IMPG1: variants seen among roughly 807,000 people sequenced by gnomAD.
IMPG1 encodes the protein interphotoreceptor matrix proteoglycan 1.
In IMPG1, 85 loss-of-function variants were observed where a neutral mutation model predicts 92.0. The ratio of observed to expected loss-of-function variants is 0.92; its 90% CI spans 0.78 to 1.11. The LOEUF is 1.11. Ranked by LOEUF, IMPG1 falls within the 50% of genes least tolerant of loss-of-function variation. IMPG1 has a pLI of 0.00. For missense variants in IMPG1, 1,022 were observed against 956.0 expected (o/e 1.07, Z -0.91); for synonymous variants, 367 against 334.1 (o/e 1.10, Z -1.08).
intron 12 of IMPG1, among the ~76,000 whole-genome samples, chr6:75,970,941 CA>C (rs1219231888): frequency 6.6e-6 from 1 of 152,018 alleles, no homozygotes; most frequent in African/African-American, 2.4e-5. Context: ...CTAGAAATAC[CA>C]TTTGACCCAG....
intron 1 of IMPG1, among the ~76,000 whole-genome samples, chr6:76,056,566 T>G (rs1025044096): frequency 6.6e-6 from 1 of 152,186 alleles, no homozygotes; most frequent in African/African-American, 2.4e-5. Flanking sequence ...AATTACTGGA[T>G]AGTATGGTAA....
At chr6:75,953,176 T>C (rs1562346357) in intron 12 of IMPG1, among the ~76,000 whole-genome samples, 1 of 152,206 alleles carries the variant, frequency 6.6e-6, no homozygotes, top group Non-Finnish European at 1.5e-5. Flanking sequence ...CTCACACCTT[T>C]CTTACTATGT....
chr6:75,960,076 C>T (rs762230071), intron 12 of IMPG1, among the ~76,000 whole-genome samples: 8 of 152,162 alleles, frequency 5.3e-5, no homozygotes, highest in Non-Finnish European at 1.0e-4. Flanking sequence ...ATGCACCGTT[C>T]CTCACGGCAC....
intron 1 of IMPG1, among the ~76,000 whole-genome samples, chr6:76,045,595 C>T (rs977492406): frequency 2.6e-5 from 4 of 151,896 alleles, no homozygotes; most frequent in Non-Finnish European, 2.9e-5. Flanking sequence ...GCCCCATCCT[C>T]ACTAGAGATG....
intron 12 of IMPG1, among the ~76,000 whole-genome samples, chr6:75,977,442 C>G (rs1310330925): frequency 6.6e-6 from 1 of 151,934 alleles, no homozygotes; most frequent in African/African-American, 2.4e-5. Context: ...ACAAAATTAG[C>G]CGGGCCTGGT....
intron 4 of IMPG1, 56 bp from the exon 5 acceptor site, chr6:76,025,314 A>T: frequency 1.1e-6 from 1 of 933,658 alleles, no homozygotes; most frequent in Non-Finnish European, 1.7e-6. Flanking sequence ...TGATGACAGT[A>T]GAGAACATAC....
intron 12 of IMPG1, among the ~76,000 whole-genome samples, chr6:75,971,817 G>A (rs1028092405): frequency 6.6e-6 from 1 of 152,158 alleles, no homozygotes; most frequent in Non-Finnish European, 1.5e-5. Context: ...AAATGCAAAG[G>A]ATTTTCATCA....
chr6:76,065,584 G>A (rs1484079512), intron 1 of IMPG1, among the ~76,000 whole-genome samples: 1 of 152,054 alleles, frequency 6.6e-6, no homozygotes, highest in Admixed American at 6.6e-5. Context: ...GGGGGATTAT[G>A]TAAAACATCC....
intron 4 of IMPG1, among the ~76,000 whole-genome samples, chr6:76,026,419 C>T (rs1783536908): frequency 6.6e-6 from 1 of 152,186 alleles, no homozygotes; most frequent in South Asian, 2.1e-4. Context: ...ACCATGCCCC[C>T]ATACCCCATT....
At chr6:76,003,147 A>T in intron 11 of IMPG1, 151 bp from the exon 12 acceptor site, 1 of 636,676 alleles carries the variant, frequency 1.6e-6, no homozygotes, top group South Asian at 1.8e-5. Context: ...GTTCTGATAT[A>T]GAAATATGTT....
rs1191824975 is a variant in IMPG1 at position 76,026,866 on chromosome 6, AG to A, written c.498-1609del. ...AGCCTCCATTTTGTTATACATCCTGAGGGCATGGCTTGTAACTCCAGTGGCA... is the reference window on the plus strand; with the variant it reads ...AGCCTCCATTTTGTTATACATCCTGAGGCATGGCTTGTAACTCCAGTGGCA... On this transcript the variant is annotated intron_variant, in intron 4 of 16. Transcript: ENST00000369950. Among the ~76,000 whole-genome samples the A allele has an allele frequency of 3.3e-5, 5 of 152,104 alleles. 1 individual carries two copies.
intron 1 of IMPG1, among the ~76,000 whole-genome samples, chr6:76,050,646 A>T (rs1784024919): frequency 6.6e-6 from 1 of 152,104 alleles, no homozygotes; most frequent in South Asian, 2.1e-4. Flanking sequence ...TCCAGTACCA[A>T]AGTTGGCTTC....
intron 12 of IMPG1, among the ~76,000 whole-genome samples, chr6:75,956,533 C>T (rs1782124498): frequency 6.6e-6 from 1 of 152,192 alleles, no homozygotes; most frequent in East Asian, 1.9e-4. Context: ...TTAATCTTTT[C>T]AAAAAACAAG....
In IMPG1 at chr6:75,947,517, C is replaced by G. The variant is rs371118175; in HGVS notation, c.1841G>C (p.Arg614Pro). ...TTGCTTAAATCCTGTAAGATTGGATCGTAGATATGGAACCAGCTGCAAAAT... is the reference window on the plus strand; with the variant it reads ...TTGCTTAAATCCTGTAAGATTGGATGGTAGATATGGAACCAGCTGCAAAAT... ...QFTQLLVPYL[R>P]SNLTGFKQLE... Residue 614 changes from arginine to proline, a missense_variant, in exon 14 of 17, where the codon CGA becomes CCA. Around this residue, in one of 3 missense-constraint regions of IMPG1, gnomAD observed 332 missense variants for 346.2 expected, o/e 0.96. Coordinates refer to ENST00000369950, the MANE Select transcript of IMPG1 (RefSeq NM_001563.4). 5.6e-6 allele frequency: 9 copies of G among 1,612,924 alleles called. No individual in the cohort carries two copies. The highest frequency in any genetic ancestry group is 7.6e-6 in the Non-Finnish European group (9 of 1,179,356).
intron 1 of IMPG1, among the ~76,000 whole-genome samples, 183 bp from the exon 2 acceptor site, chr6:76,042,309 G>C (rs1345971860): frequency 2.6e-5 from 4 of 152,066 alleles, no homozygotes; most frequent in Non-Finnish European, 4.4e-5. Context: ...TAAGAGAATA[G>C]TATAATGAGC....
chr6:75,997,489 C>T (rs567312970), intron 12 of IMPG1, among the ~76,000 whole-genome samples: 3 of 152,304 alleles, frequency 2.0e-5, no homozygotes, highest in Non-Finnish European at 2.9e-5. Flanking sequence ...TGCATACCTA[C>T]GTTTAATCAA....
intron 14 of IMPG1, among the ~76,000 whole-genome samples, chr6:75,943,551 C>A (rs929568873): frequency 6.6e-6 from 1 of 152,174 alleles, no homozygotes; most frequent in Non-Finnish European, 1.5e-5. Context: ...GATGCTGGTG[C>A]CTGCGGAAAG....
Position 76,041,789 on chromosome 6 carries a change from T to G in IMPG1, c.301+104A>C. Reference sequence around the variant, plus strand: ...GGTTGATTTTTATAATTCTTGTGGCTAAATGACAGAACTGGAAGTTTTAGG... The same window carrying G: ...GGTTGATTTTTATAATTCTTGTGGCGAAATGACAGAACTGGAAGTTTTAGG... On this transcript the variant is annotated intron_variant, in intron 2 of 16. Coordinates refer to ENST00000369950, the MANE Select transcript of IMPG1 (RefSeq NM_001563.4). 9 of 711,344 alleles carry G rather than the reference T, an allele frequency of 1.3e-5. No homozygotes were observed. In the South Asian group the frequency reaches 1.6e-4, roughly 12 times the overall value. The allele number at this position is 711,344 out of a possible 1,614,324, so 44.1% of individuals were successfully genotyped here.
At chr6:75,970,575 A>G (rs1368309595) in intron 12 of IMPG1, among the ~76,000 whole-genome samples, 2 of 152,182 alleles carry the variant, frequency 1.3e-5, no homozygotes, top group East Asian at 3.8e-4. Flanking sequence ...ATCAGCCCTT[A>G]TATGAGGAAA....
Sources: allele counts gnomAD v4.1 joint callset (sites outside exome capture counted in the v4.1 genomes callset), GRCh38; gene constraint gnomAD v4.1.1; regional missense constraint gnomAD v4.1.1; transcripts MANE v1.5; gene names NCBI Gene and HGNC (gene_info 2026-07-23, HGNC 2026-07-21).